Variants in OLFM2 observed in about 807,000 individuals in gnomAD.
The protein encoded by OLFM2 is noelin-2.
Under a neutral mutation model 43.9 loss-of-function variants are expected in OLFM2, and 20 were observed. The ratio of observed to expected loss-of-function variants is 0.46; its 90% CI spans 0.32 to 0.66. OLFM2 has a LOEUF of 0.66. Ranked by LOEUF, OLFM2 falls within the 30% of genes least tolerant of loss-of-function variation. The pLI, the probability that OLFM2 is intolerant of heterozygous loss-of-function variation, is 0.04. For synonymous variants in OLFM2, 268 were observed against 278.6 expected (o/e 0.96, Z 0.38); for missense variants, 416 against 643.6 (o/e 0.65, Z 3.83).
At chr19:9,890,685 G>C (rs2046631199) in intron 1 of OLFM2, among the ~76,000 whole-genome samples, 1 of 152,178 alleles carries the variant, frequency 6.6e-6, no homozygotes, top group South Asian at 2.1e-4. Flanking sequence ...AGGTGTGGTG[G>C]CTCACACCTG....
chr19:9,884,276 T>TAAAA (rs4044581), intron 1 of OLFM2, among the ~76,000 whole-genome samples: 1 of 130,942 alleles, frequency 7.6e-6, no homozygotes. Flanking sequence ...TCTCAAAAAT[T>TAAAA]AAAAAAAAAA....
Position 9,857,912 on chromosome 19 carries a change from C to G in OLFM2, c.214-51G>C. On this transcript the variant is annotated intron_variant, in intron 2 of 5. Coordinates refer to ENST00000264833, the MANE Select transcript of OLFM2 (RefSeq NM_058164.4). The surrounding 1 kb of genome is among the most constrained non-coding windows in gnomAD (Gnocchi z 5.7). Reference sequence around the variant, plus strand: ...CCAGACCTCCTTCCCCAAATCCCAACCCAGAGATGCCACAGACAAGAGCTG... The same window carrying G: ...CCAGACCTCCTTCCCCAAATCCCAAGCCAGAGATGCCACAGACAAGAGCTG... The G allele has an allele frequency of 6.2e-7, 1 of 1,610,582 alleles. No individual in the cohort carries two copies. The highest frequency in any genetic ancestry group is 8.5e-7 in the Non-Finnish European group (1 of 1,178,090).
chr19:9,880,123 C>T (rs971392672), intron 1 of OLFM2, among the ~76,000 whole-genome samples: 2 of 152,146 alleles, frequency 1.3e-5, no homozygotes, highest in Non-Finnish European at 2.9e-5. Flanking sequence ...CTCGGCCTCC[C>T]AAAGTGCCAG....
chr19:9,912,377 A>C (rs2046834157), intron 1 of OLFM2, among the ~76,000 whole-genome samples: 1 of 152,134 alleles, frequency 6.6e-6, no homozygotes, highest in African/African-American at 2.4e-5. Context: ...TCAAGGAGAA[A>C]GAAGCTGCGG....
chr19:9,914,615 T>TG (rs1378615249), intron 1 of OLFM2, among the ~76,000 whole-genome samples: 2 of 138,448 alleles, frequency 1.4e-5, no homozygotes, highest in Non-Finnish European at 3.1e-5. Flanking sequence ...ACTTTAACTT[T>TG]GGGTGGGGGC....
rs746274024 is a variant in OLFM2, at chr19:9,856,774, G to A, written c.687+33C>T. The A allele has an allele frequency of 7.7e-6, 12 of 1,557,038 alleles. No individual in the cohort carries two copies. In the African/African-American group the frequency reaches 1.5e-4, roughly 19 times the overall value. The stretch of plus-strand genomic sequence containing the variant: ...CAGTCAAAGGCTCTGTCCCTCCCAG[G>A]CCCTGACCCCAGGGGTGGGCGCAGT... On this transcript the variant is annotated intron_variant, in intron 5 of 5. Coordinates refer to ENST00000264833, the MANE Select transcript of OLFM2 (RefSeq NM_058164.4). This position sits in a 1 kb window ranked among gnomAD's most constrained non-coding sequence, Gnocchi z 4.0.
At chr19:9,901,224 A>G (rs953997647) in intron 1 of OLFM2, among the ~76,000 whole-genome samples, 3 of 141,444 alleles carry the variant, frequency 2.1e-5, no homozygotes, top group Admixed American at 7.1e-5. Context: ...AGAAAGGAGA[A>G]AAAAAAAAAA....
intron 1 of OLFM2, among the ~76,000 whole-genome samples, chr19:9,881,755 C>G (rs1001121073): frequency 4.6e-5 from 7 of 152,046 alleles, no homozygotes; most frequent in Admixed American, 4.6e-4. Context: ...ACCTCAGCCT[C>G]CCAAAGTGCT....
intron 1 of OLFM2, among the ~76,000 whole-genome samples, chr19:9,904,152 TTGTGTGTGTGTGTGTGTGTGTG>T (rs56281493): frequency 1.0e-4 from 13 of 127,270 alleles, no homozygotes; most frequent in South Asian, 2.9e-4. Flanking sequence ...TGAGTATTGT[TTGTGTGTGTGTGTGTGTGTGTG>T]TGTGTGTGTG....
intron 1 of OLFM2, among the ~76,000 whole-genome samples, chr19:9,925,395 C>T (rs1054258305): frequency 2.0e-5 from 3 of 152,080 alleles, no homozygotes; most frequent in East Asian, 1.9e-4. Context: ...ATAGCGCAGT[C>T]GCCGTAGAAA....
chr19:9,871,573 CAAAAA>C (rs34941045), intron 1 of OLFM2, among the ~76,000 whole-genome samples: 4 of 121,510 alleles, frequency 3.3e-5, no homozygotes, highest in Non-Finnish European at 3.5e-5. Context: ...ACTCTGCTCT[CAAAAA>C]AAAAAAAAAA....
chr19:9,868,401 C>T (rs902822483), intron 1 of OLFM2, among the ~76,000 whole-genome samples: 1 of 151,964 alleles, frequency 6.6e-6, no homozygotes, highest in Non-Finnish European at 1.5e-5. Flanking sequence ...GAAACAGGGA[C>T]TAGCTATGTT....
intron 1 of OLFM2, among the ~76,000 whole-genome samples, chr19:9,882,095 C>T (rs1311201602): frequency 6.6e-6 from 1 of 151,754 alleles, no homozygotes; most frequent in Non-Finnish European, 1.5e-5. Flanking sequence ...AAAAATTAGC[C>T]AGGTGTGGTG....
chr19:9,871,621 G>T (rs182890811), intron 1 of OLFM2, among the ~76,000 whole-genome samples: 63 of 151,050 alleles, frequency 4.2e-4, no homozygotes, highest in African/African-American at 1.5e-3. Context: ...CTGCCTGTAA[G>T]TGATGTAGCT....
intron 1 of OLFM2, among the ~76,000 whole-genome samples, chr19:9,863,614 C>T (rs2046379990): frequency 6.6e-6 from 1 of 151,946 alleles, no homozygotes; most frequent in South Asian, 2.1e-4. Flanking sequence ...ATTTGCACAG[C>T]CATTACTAGA....
chr19:9,891,335 C>A (rs1386862439), intron 1 of OLFM2, among the ~76,000 whole-genome samples: 1 of 131,170 alleles, frequency 7.6e-6, no homozygotes, highest in Non-Finnish European at 1.6e-5. Flanking sequence ...AAAAAAAGTG[C>A]ATGCTGGGGC....
chr19:9,856,690 T>C lies in OLFM2; in HGVS notation c.687+117A>G, dbSNP rs1221523219. 1 of 800,644 alleles carries C rather than the reference T, an allele frequency of 1.2e-6. No individual in the cohort carries two copies. Among genetic ancestry groups the C allele is most frequent in the Non-Finnish European group, 2.1e-6 (1 of 486,256 alleles). The allele number at this position is 800,644 out of a possible 1,614,324, so 49.6% of individuals were successfully genotyped here. A position where few individuals can be genotyped will look rare whatever the true frequency, so the allele number is the denominator to read the frequency against. ...AGGGAGGTCCAATGGCCCTGGGGGA[T>C]CCAGGACACTTTGGGCTACAAGACA... On this transcript the variant is annotated intron_variant, in intron 5 of 5. Coordinates refer to ENST00000264833, the MANE Select transcript of OLFM2 (RefSeq NM_058164.4). The surrounding 1 kb of genome is among the most constrained non-coding windows in gnomAD (Gnocchi z 4.0).
intron 1 of OLFM2, among the ~76,000 whole-genome samples, chr19:9,897,473 G>A (rs975784527): frequency 6.6e-6 from 1 of 152,072 alleles, no homozygotes; most frequent in Admixed American, 6.6e-5. Context: ...ACTCCAGCCT[G>A]GACGACAGAA....
intron 1 of OLFM2, among the ~76,000 whole-genome samples, chr19:9,885,698 C>T (rs529691358): frequency 3.3e-4 from 51 of 152,294 alleles, no homozygotes; most frequent in Non-Finnish European, 5.7e-4. Context: ...AGTGTCCCCC[C>T]ACCCTTGTGG....
Sources: gnomAD v4.1 joint callset for allele counts (sites outside exome capture counted in the v4.1 genomes callset) on GRCh38, gnomAD v4.1.1 for gene constraint, Gnocchi (gnomAD v3.1) non-coding constraint, MANE v1.5 for transcripts, NCBI Gene and HGNC (gene_info 2026-07-23, HGNC 2026-07-21) for gene names.